The following ADAMTS16 variants were observed in gnomAD, a reference collection of about 807,000 sequenced individuals.
ADAMTS16 encodes the protein A disintegrin and metalloproteinase with thrombospondin motifs 16.
ADAMTS16 carries 94 observed loss-of-function variants against 145.8 expected under a neutral mutation model. The ratio of observed to expected loss-of-function variants is 0.64; its 90% CI spans 0.55 to 0.77. The LOEUF is 0.77. Among genes scored for constraint, ADAMTS16 ranks in the 30% least tolerant of loss-of-function variants. The pLI, the probability that ADAMTS16 is intolerant of heterozygous loss-of-function variation, is 0.00. For missense variants in ADAMTS16, 1,585 were observed against 1,591.5 expected (o/e 1.00, Z 0.07); for synonymous variants, 659 against 604.3 (o/e 1.09, Z -1.33).
At chr5:5,247,728 C>T (rs750033684) in intron 17 of ADAMTS16, among the ~76,000 whole-genome samples, 52 of 152,348 alleles carry the variant, frequency 3.4e-4, no homozygotes, top group Middle Eastern at 3.4e-3. Context: ...GCGATTACTG[C>T]CTATATCCAG....
rs1204784330 is a variant in ADAMTS16, at chr5:5,239,863, T to G, written c.2461T>G (p.Ser821Ala). The change falls in exon 16 of 23, where the codon TCC (serine) becomes GCC (alanine). Residue 821 changes from serine to alanine, a missense_variant. Physicochemically the swap from Ser to Ala is moderately conservative, Grantham distance 99. This residue lies in a region of ADAMTS16 where 834 missense variants were observed against 811.7 expected (regional missense o/e 1.03). Transcript: ENST00000274181. ...FSGTTFDYRR[S>A]YNEPENLIAT... ...GGGCACTACTTTCGACTACAGACGG[T>G]CCTATAATGAGCCCGAGAACTTAAT... 1 of 1,613,906 alleles carries G rather than the reference T, an allele frequency of 6.2e-7. No homozygotes were observed.
intron 17 of ADAMTS16, among the ~76,000 whole-genome samples, chr5:5,252,770 A>G (rs528976358): frequency 1.3e-5 from 2 of 152,114 alleles, no homozygotes; most frequent in Non-Finnish European, 2.9e-5. Flanking sequence ...CTGCGTGTAC[A>G]CCAGGCAGTT....
chr5:5,208,495 C>T (rs1279018105), intron 9 of ADAMTS16, among the ~76,000 whole-genome samples: 1 of 152,180 alleles, frequency 6.6e-6, no homozygotes, highest in Non-Finnish European at 1.5e-5. Context: ...TGTTCTTTAG[C>T]CATCTACCAA....
chr5:5,184,597 A>C (rs1735445556), intron 4 of ADAMTS16, among the ~76,000 whole-genome samples: 1 of 152,122 alleles, frequency 6.6e-6, no homozygotes, highest in Non-Finnish European at 1.5e-5. Context: ...GAAAAGGGCA[A>C]ACAGAGGCAG....
In ADAMTS16 at chr5:5,242,124, G is replaced by A; in HGVS notation, c.2595G>A (p.Gln865=). The A allele has an allele frequency of 1.2e-6, 2 of 1,614,164 alleles. No homozygotes were observed. Among genetic ancestry groups the A allele is most frequent in the South Asian group, 1.1e-5 (1 of 91,086 alleles). ...YSMPRLGTEK[Q]PPAQPSYTWA... is the part of the protein sequence containing the mutation. Reference sequence around the variant, plus strand: ...TGCCTCGCTTGGGGACCGAGAAGCAGCCCCCTGCCCAGCCCAGCTACACTT... The same window carrying A: ...TGCCTCGCTTGGGGACCGAGAAGCAACCCCCTGCCCAGCCCAGCTACACTT... Residue 865 remains glutamine (Q), a synonymous_variant, in exon 17 of 23, where the codon CAG becomes CAA. Transcript: ENST00000274181.
At chr5:5,189,241 G>A (rs1282508065) in intron 6 of ADAMTS16, among the ~76,000 whole-genome samples, 1 of 152,184 alleles carries the variant, frequency 6.6e-6, no homozygotes, top group African/African-American at 2.4e-5. Flanking sequence ...CGGTGAATAA[G>A]GTTCAAATAA....
intron 13 of ADAMTS16, 104 bp downstream of exon 13, chr5:5,235,290 G>A (rs182460629): frequency 3.3e-5 from 40 of 1,220,456 alleles, no homozygotes; most frequent in African/African-American, 1.1e-4. Flanking sequence ...ACCAGACGTC[G>A]CTCTGGGAGG....
chr5:5,308,973 T>C (rs976008399), intron 21 of ADAMTS16, among the ~76,000 whole-genome samples: 10 of 149,246 alleles, frequency 6.7e-5, no homozygotes, highest in Non-Finnish European at 8.9e-5. Context: ...AAAAAGCAGA[T>C]TGGATCACAT....
At chr5:5,241,279 G>A (rs1737283611) in intron 16 of ADAMTS16, among the ~76,000 whole-genome samples, 1 of 152,212 alleles carries the variant, frequency 6.6e-6, no homozygotes, top group Admixed American at 6.5e-5. Flanking sequence ...TAAGATTCAA[G>A]GATCTAATAC....
At chr5:5,208,392 G>A (rs1000426140) in intron 9 of ADAMTS16, among the ~76,000 whole-genome samples, 2 of 152,200 alleles carry the variant, frequency 1.3e-5, no homozygotes, top group African/African-American at 4.8e-5. Context: ...ACACAAAAAT[G>A]TTTAAATACA....
rs373594453 is a variant in ADAMTS16 at position 5,244,398 on chromosome 5, T to C, written c.2662+2207T>C. ...AGCACCTACTATGTGCTTTCACATA[T>C]ATTATCTTGTCAAAACCTTCGACAG... On this transcript the variant is annotated intron_variant, in intron 17 of 22. Coordinates refer to ENST00000274181, the MANE Select transcript of ADAMTS16 (RefSeq NM_139056.4). 7.2e-5 allele frequency among the ~76,000 whole-genome samples: 11 copies of C among 152,310 alleles called. No individual in the cohort carries two copies. The East Asian group carries it at 2.1e-3, about 29-fold the overall frequency.
chr5:5,213,196 A>G (rs1298811839), intron 10 of ADAMTS16, among the ~76,000 whole-genome samples: 3 of 152,206 alleles, frequency 2.0e-5, no homozygotes, highest in Non-Finnish European at 4.4e-5. Flanking sequence ...AAATTAAACC[A>G]TCTTTTATAT....
At chr5:5,226,344 C>A (rs1328192717) in intron 11 of ADAMTS16, among the ~76,000 whole-genome samples, 2 of 152,044 alleles carry the variant, frequency 1.3e-5, no homozygotes, top group African/African-American at 2.4e-5. Flanking sequence ...CAAGAGGGAG[C>A]TTGTGTAGGG....
rs1479178242 is a variant in ADAMTS16, at chr5:5,182,280, G to A, written c.738G>A (p.Gln246=). ...SDLRLGLPQK[Q]HFCGRRKKYM... is the part of the protein sequence containing the mutation. ...TTCGCCTGGGACTGCCACAAAAGCA[G>A]CATTTCTGTGGAAGACGCAAGAAAT... Residue 246 remains glutamine, a synonymous_variant, in exon 4 of 23, where the codon CAG becomes CAA. Transcript: ENST00000274181. 1 of 1,613,054 alleles carries A rather than the reference G, an allele frequency of 6.2e-7. No individual in the cohort carries two copies. Among genetic ancestry groups the A allele is most frequent in the Non-Finnish European group, 8.5e-7 (1 of 1,179,344 alleles).
intron 17 of ADAMTS16, among the ~76,000 whole-genome samples, chr5:5,248,149 GA>G (rs549641476): frequency 3.3e-5 from 5 of 152,284 alleles, no homozygotes; most frequent in Non-Finnish European, 5.9e-5. Context: ...GAATTCGTTT[GA>G]TTTTTTTTCT....
At chr5:5,170,052 T>G (rs991195972) in intron 3 of ADAMTS16, among the ~76,000 whole-genome samples, 2 of 152,220 alleles carry the variant, frequency 1.3e-5, no homozygotes, top group African/African-American at 4.8e-5. Flanking sequence ...TTTCTTCATT[T>G]GGATATATAC....
chr5:5,231,483 A>T (rs1736922606), intron 11 of ADAMTS16, among the ~76,000 whole-genome samples: 1 of 152,006 alleles, frequency 6.6e-6, no homozygotes, highest in African/African-American at 2.4e-5. Flanking sequence ...CTTGGAGATA[A>T]AAAGGGACTT....
intron 12 of ADAMTS16, among the ~76,000 whole-genome samples, chr5:5,233,690 G>C (rs1579329147): frequency 6.6e-6 from 1 of 152,284 alleles, no homozygotes; most frequent in East Asian, 1.9e-4. Flanking sequence ...TTTTATGGCT[G>C]CATGGTATTC....
intron 18 of ADAMTS16, among the ~76,000 whole-genome samples, chr5:5,290,594 G>A (rs923477905): frequency 1.3e-5 from 2 of 152,140 alleles, no homozygotes; most frequent in African/African-American, 2.4e-5. Flanking sequence ...AGGTTGCAGT[G>A]AGCTGAGACC....
Sources: gnomAD v4.1 joint callset for allele counts (sites outside exome capture counted in the v4.1 genomes callset) on GRCh38, gnomAD v4.1.1 for gene constraint, gnomAD v4.1.1 regional missense constraint, MANE v1.5 for transcripts, NCBI Gene and HGNC (gene_info 2026-07-23, HGNC 2026-07-21) for gene names.